The following LRP2BP variants were observed in gnomAD, a reference collection of about 807,000 sequenced individuals.
LRP2BP encodes the protein LRP2-binding protein.
A neutral mutation model predicts 45.2 loss-of-function variants in LRP2BP; 38 were observed. The ratio of observed to expected loss-of-function variants is 0.84; its 90% CI spans 0.65 to 1.10. LRP2BP has a LOEUF of 1.10. Ranked by LOEUF, LRP2BP falls within the 50% of genes least tolerant of loss-of-function variation. LRP2BP has a pLI of 0.00. For missense variants in LRP2BP, 385 were observed against 418.9 expected (o/e 0.92, Z 0.71); for synonymous variants, 153 against 153.9 (o/e 0.99, Z 0.04).
intron 2 of LRP2BP, 42 bp downstream of exon 2, chr4:185,378,039 T>TAC: frequency 6.7e-7 from 1 of 1,494,754 alleles, no homozygotes; most frequent in South Asian, 1.2e-5. Context: ...AATGAACTGT[T>TAC]AAAGTGTTTT....
chr4:185,392,154 T>C (rs1189871606), intron 1 of LRP2BP, among the ~76,000 whole-genome samples: 1 of 152,244 alleles, frequency 6.6e-6, no homozygotes, highest in African/African-American at 2.4e-5. Context: ...TTATCATCTG[T>C]AATTTCCACA....
chr4:185,379,098 G>T, intron 1 of LRP2BP: 1 of 486,414 alleles, frequency 2.1e-6, no homozygotes, highest in Non-Finnish European at 2.7e-6. Flanking sequence ...GATTTTGGAA[G>T]AGTCATTTAA....
intron 8 of LRP2BP, 22 bp from the exon 9 acceptor site, chr4:185,367,267 A>C (rs371006528): frequency 6.3e-7 from 1 of 1,598,550 alleles, no homozygotes; most frequent in Non-Finnish European, 8.6e-7. Flanking sequence ...AAAGAGTCAG[A>C]TATTTAGATA....
chr4:185,393,240 G>A (rs999733976), intron 1 of LRP2BP, among the ~76,000 whole-genome samples: 1 of 152,060 alleles, frequency 6.6e-6, no homozygotes, highest in Non-Finnish European at 1.5e-5. Context: ...GAGATTTTTA[G>A]TTTTACATTA....
In LRP2BP at chr4:185,374,863, G is replaced by T. The variant is rs561439334; in HGVS notation, c.331-402C>A. Reference sequence around the variant, plus strand: ...CAGCTTTCACATTTATAATTCTTACGATACACTTGCGAGCCCCTAACAAAC... The same window carrying T: ...CAGCTTTCACATTTATAATTCTTACTATACACTTGCGAGCCCCTAACAAAC... On this transcript the variant is annotated intron_variant, in intron 4 of 8. Coordinates refer to ENST00000505916, the MANE Select transcript of LRP2BP (RefSeq NM_001377440.1). Among the ~76,000 whole-genome samples the T allele has an allele frequency of 4.6e-5, 7 of 152,204 alleles. No homozygotes were observed. In the East Asian group the frequency reaches 1.4e-3, roughly 29 times the overall value.
chr4:185,392,472 A>C (rs1474741015), intron 1 of LRP2BP, among the ~76,000 whole-genome samples: 1 of 152,174 alleles, frequency 6.6e-6, no homozygotes, highest in Non-Finnish European at 1.5e-5. Flanking sequence ...TGTTAAAGAG[A>C]AAGAATTTCT....
intron 8 of LRP2BP, chr4:185,370,134 A>C (rs2095410133): frequency 6.2e-6 from 1 of 160,502 alleles, no homozygotes; most frequent in Admixed American, 6.0e-5. Context: ...ATTTACTTTG[A>C]GATGTGAAAC....
At chr4:185,387,207 T>G (rs928269186) in intron 1 of LRP2BP, among the ~76,000 whole-genome samples, 1 of 152,022 alleles carries the variant, frequency 6.6e-6, no homozygotes, top group African/African-American at 2.4e-5. Context: ...CACTGCAGCC[T>G]GGGTGACAGA....
chr4:185,366,299 T>G lies in LRP2BP; in HGVS notation c.*881A>C, dbSNP rs1485209715. 6.6e-6 allele frequency: 1 copy of G among 152,262 alleles called. No individual in the cohort carries two copies. The highest frequency in any genetic ancestry group is 1.5e-5 in the Non-Finnish European group (1 of 68,046). 9.4% of individuals were successfully genotyped at this position (152,262 alleles called of 1,614,324 possible). ...CTTGTAAATGATTTCATTGAGGCTT[T>G]TACCACAGGGTTTTAAAAATATGGA... On this transcript the variant is annotated 3_prime_UTR_variant, in exon 9 of 9. Transcript: ENST00000505916.
In LRP2BP at chr4:185,370,627, T is replaced by C. The variant is rs2095411562; in HGVS notation, c.978+13A>G. On this transcript the variant is annotated intron_variant, in intron 8 of 8. Transcript: ENST00000505916. ...TCTCTTTGGGTGAATTTATATTTTG[T>C]TCTAAAGCTTACTTTAGAATAATAG... 1 of 1,611,844 alleles carries C rather than the reference T, an allele frequency of 6.2e-7. No homozygotes were observed. Among genetic ancestry groups the C allele is most frequent in the Admixed American group, 1.7e-5 (1 of 59,910 alleles).
Position 185,395,678 on chromosome 4 carries a change from A to G in LRP2BP, c.-921T>C, listed in dbSNP as rs2095500207. Reference sequence around the variant, plus strand: ...CCCTTGGGTAACTAAGTATAACAACATAAACTTGCGATTGCAAATTTTATG... The same window carrying G: ...CCCTTGGGTAACTAAGTATAACAACGTAAACTTGCGATTGCAAATTTTATG... On this transcript the variant is annotated 5_prime_UTR_variant, in exon 1 of 9. An upstream start codon of the reference 5' UTR is lost. Transcript: ENST00000505916. The G allele has an allele frequency of 1.0e-6, 1 of 985,022 alleles. No homozygotes were observed. Among genetic ancestry groups the G allele is most frequent in the South Asian group, 4.7e-5 (1 of 21,290 alleles). The allele number at this position is 985,022 out of a possible 1,614,324, so 61.0% of individuals were successfully genotyped here.
intron 1 of LRP2BP, among the ~76,000 whole-genome samples, chr4:185,379,437 G>A (rs1049108254): frequency 1.3e-5 from 2 of 152,128 alleles, no homozygotes; most frequent in African/African-American, 4.8e-5. Flanking sequence ...GAAAAAACTG[G>A]CATATTCAGG....
At chr4:185,392,101 C>A (rs1030513786) in intron 1 of LRP2BP, among the ~76,000 whole-genome samples, 1 of 152,200 alleles carries the variant, frequency 6.6e-6, no homozygotes, top group African/African-American at 2.4e-5. Flanking sequence ...ATATTAAGGA[C>A]TAACTTTCTA....
chr4:185,377,803 CTT>C, intron 2 of LRP2BP: 1 of 303,190 alleles, frequency 3.3e-6, no homozygotes, highest in Non-Finnish European at 6.0e-6. Context: ...GCATTGTTCT[CTT>C]TAACAAACGT....
chr4:185,377,439 C>A (rs10007747), intron 2 of LRP2BP: 43,544 of 164,198 alleles, frequency 0.27, 6,590 homozygotes, highest in African/African-American at 0.42. Context: ...AATAGCTTGA[C>A]CCCAGGAGGC....
At chr4:185,374,879 C>G (rs2095427964) in intron 4 of LRP2BP, among the ~76,000 whole-genome samples, 1 of 152,070 alleles carries the variant, frequency 6.6e-6, no homozygotes, top group Non-Finnish European at 1.5e-5. Flanking sequence ...CTTGCGAGCC[C>G]CTAACAAACA....
At chr4:185,394,221 T>C (rs903929274) in intron 1 of LRP2BP, among the ~76,000 whole-genome samples, 2 of 144,060 alleles carry the variant, frequency 1.4e-5, no homozygotes, top group Non-Finnish European at 3.0e-5. Flanking sequence ...ATCACGCCAC[T>C]GCATTCCAAT....
intron 1 of LRP2BP, 25 bp downstream of exon 1, chr4:185,394,754 A>C (rs1038791068): frequency 4.1e-6 from 4 of 985,152 alleles, no homozygotes; most frequent in Non-Finnish European, 4.8e-6. Flanking sequence ...CAGCCCACAC[A>C]TCTCTCATCT....
At chr4:185,381,740 G>GT (rs2095456516) in intron 1 of LRP2BP, among the ~76,000 whole-genome samples, 1 of 152,178 alleles carries the variant, frequency 6.6e-6, no homozygotes. Context: ...AACTACAGCT[G>GT]TTTTGGGGGG....
Sources: gnomAD v4.1 joint callset for allele counts (sites outside exome capture counted in the v4.1 genomes callset) on GRCh38, gnomAD v4.1.1 for gene constraint, MANE v1.5 for transcripts, NCBI Gene and HGNC (gene_info 2026-07-23, HGNC 2026-07-21) for gene names.